The following KIAA0753 variants were observed in gnomAD, a reference collection of about 807,000 sequenced individuals.
KIAA0753 encodes the protein KIAA0753.
KIAA0753 carries 114 observed loss-of-function variants against 116.9 expected under a neutral mutation model. The ratio of observed to expected loss-of-function variants is 0.98; its 90% CI spans 0.84 to 1.14. KIAA0753 has a LOEUF of 1.14. Ranked by LOEUF, KIAA0753 falls within the 50% of genes most tolerant of loss-of-function variation. The pLI is 0.00. For synonymous variants in KIAA0753, 405 were observed against 413.1 expected (o/e 0.98, Z 0.24); for missense variants, 1,156 against 1,172.4 (o/e 0.99, Z 0.20).
intron 18 of KIAA0753, among the ~76,000 whole-genome samples, chr17:6,587,696 A>G (rs1968681793): frequency 6.6e-6 from 1 of 152,266 alleles, no homozygotes; most frequent in Admixed American, 6.5e-5. Flanking sequence ...AGCATCTTAT[A>G]TACTTTGAAG....
At chr17:6,599,838 C>T (rs1480784092) in intron 13 of KIAA0753, among the ~76,000 whole-genome samples, 1 of 152,124 alleles carries the variant, frequency 6.6e-6, no homozygotes, top group Non-Finnish European at 1.5e-5. Context: ...GTGGCCTCAT[C>T]TAGTCATACA....
intron 2 of KIAA0753, among the ~76,000 whole-genome samples, chr17:6,633,033 C>T (rs114098745): frequency 0.021 from 3,132 of 152,130 alleles, 104 homozygotes; most frequent in African/African-American, 0.07. Context: ...ATGATGGTAT[C>T]GATTTAATGT....
chr17:6,605,789 C>T (rs574225106), intron 12 of KIAA0753, among the ~76,000 whole-genome samples: 11 of 151,986 alleles, frequency 7.2e-5, no homozygotes, highest in African/African-American at 2.7e-4. Flanking sequence ...CCTTGACTTA[C>T]GATGGTGGTG....
intron 7 of KIAA0753, among the ~76,000 whole-genome samples, chr17:6,615,759 G>A (rs2150857963): frequency 6.6e-6 from 1 of 152,178 alleles, no homozygotes. Context: ...CATGTTTCAG[G>A]AGTGAGTTTG....
At chr17:6,611,397 A>T (rs1183873640) in intron 8 of KIAA0753, among the ~76,000 whole-genome samples, 1 of 151,900 alleles carries the variant, frequency 6.6e-6, no homozygotes, top group Non-Finnish European at 1.5e-5. Flanking sequence ...AACTCCTGGG[A>T]TCAAGTGATC....
chr17:6,635,027 T>C lies in KIAA0753; in HGVS notation c.77A>G (p.Lys26Arg). 6.2e-7 allele frequency: 1 copy of C among 1,608,820 alleles called. No individual in the cohort carries two copies. Among genetic ancestry groups the C allele is most frequent in the Non-Finnish European group, 8.5e-7 (1 of 1,175,198 alleles). ...TAGAACTACCTGGGTCTGAAGTACTTTGGGGTCGCTCCTCCCATCAAGTTG... is the reference window on the plus strand; with the variant it reads ...TAGAACTACCTGGGTCTGAAGTACTCTGGGGTCGCTCCTCCCATCAAGTTG... ...RTQLDGRSDP[K>R]VLQTQNQLQF... The change falls in exon 2 of 19, where the codon AAA (lysine) becomes AGA (arginine). Residue 26 changes from lysine to arginine, a missense_variant. Lys to Arg is a conservative substitution (Grantham distance 26). Transcript: ENST00000361413.
chr17:6,627,075 C>A (rs1014841348), intron 3 of KIAA0753, among the ~76,000 whole-genome samples: 3 of 152,202 alleles, frequency 2.0e-5, no homozygotes, highest in African/African-American at 7.2e-5. Flanking sequence ...AGAAGACCTA[C>A]AGGAGAAATT....
intron 7 of KIAA0753, among the ~76,000 whole-genome samples, chr17:6,614,927 C>G (rs926131506): frequency 5.9e-5 from 9 of 152,210 alleles, no homozygotes; most frequent in Admixed American, 5.2e-4. Flanking sequence ...GCCTCCTGAG[C>G]AGCCGGGATT....
intron 14 of KIAA0753, among the ~76,000 whole-genome samples, chr17:6,596,707 G>A (rs1969510789): frequency 6.6e-6 from 1 of 152,210 alleles, no homozygotes; most frequent in African/African-American, 2.4e-5. Flanking sequence ...TCCAGAGGAT[G>A]TAACTATTCT....
chr17:6,614,840 C>T (rs1970773996), intron 7 of KIAA0753, among the ~76,000 whole-genome samples: 1 of 152,196 alleles, frequency 6.6e-6, no homozygotes, highest in Non-Finnish European at 1.5e-5. Flanking sequence ...GCTCTGTTGT[C>T]CAGCCTGGAG....
chr17:6,593,390 G>A (rs893561107), intron 16 of KIAA0753, among the ~76,000 whole-genome samples: 4 of 149,776 alleles, frequency 2.7e-5, no homozygotes, highest in South Asian at 2.1e-4. Flanking sequence ...TCGGGAGGCC[G>A]GGAGCAGTGG....
intron 18 of KIAA0753, among the ~76,000 whole-genome samples, chr17:6,582,846 T>G (rs928318056): frequency 6.6e-6 from 1 of 152,226 alleles, no homozygotes; most frequent in African/African-American, 2.4e-5. Flanking sequence ...TCCCATACAA[T>G]GCAAGAACCT....
chr17:6,611,861 T>C, intron 8 of KIAA0753, 58 bp downstream of exon 8: 1 of 1,440,774 alleles, frequency 6.9e-7, no homozygotes, highest in Non-Finnish European at 9.7e-7. Flanking sequence ...CCAGTTTATG[T>C]GACCTTGACA....
At chr17:6,606,524 T>C (rs915930941) in intron 12 of KIAA0753, among the ~76,000 whole-genome samples, 2 of 152,214 alleles carry the variant, frequency 1.3e-5, no homozygotes, top group African/African-American at 4.8e-5. Context: ...TTGATTCACA[T>C]GAGCAGAACA....
In KIAA0753 at chr17:6,623,086, C is replaced by T. The variant is rs780122269; in HGVS notation, c.900G>A (p.Met300Ile). 1.1e-5 allele frequency: 18 copies of T among 1,613,112 alleles called. No individual in the cohort carries two copies. In the East Asian group the frequency reaches 3.6e-4, roughly 32 times the overall value. Residue 300 changes from methionine (M) to isoleucine (I), a missense_variant, in exon 6 of 19, where the codon ATG becomes ATA. By Grantham distance (10) the Met-to-Ile change is conservative. Transcript: ENST00000361413. Reference protein sequence around the residue: ...KIKHTKKSWAMSKLAAAHRGA... With the variant: ...KIKHTKKSWAISKLAAAHRGA... ...CTCGATGGGCAGCCGCCAGCTTAGACATTGCCCATGACTGGTAATAAACAA... is the reference window on the plus strand; with the variant it reads ...CTCGATGGGCAGCCGCCAGCTTAGATATTGCCCATGACTGGTAATAAACAA...
chr17:6,632,112 G>A (rs1972053795), intron 2 of KIAA0753, among the ~76,000 whole-genome samples: 1 of 152,072 alleles, frequency 6.6e-6, no homozygotes. Flanking sequence ...ATGTTGGCCA[G>A]GCTGGTCTTG....
At chr17:6,617,326 T>A (rs997994453) in intron 7 of KIAA0753, among the ~76,000 whole-genome samples, 4 of 152,220 alleles carry the variant, frequency 2.6e-5, no homozygotes, top group African/African-American at 9.6e-5. Flanking sequence ...AAAGGCAGAC[T>A]TCTAATTAGA....
At chr17:6,582,144 GTACT>G (rs1316278346) in intron 18 of KIAA0753, among the ~76,000 whole-genome samples, 1 of 152,118 alleles carries the variant, frequency 6.6e-6, no homozygotes, top group Non-Finnish European at 1.5e-5. Context: ...TATTCACAAT[GTACT>G]TACTTATTTG....
At chr17:6,618,809 T>C (rs1278730188) in intron 7 of KIAA0753, among the ~76,000 whole-genome samples, 1 of 152,080 alleles carries the variant, frequency 6.6e-6, no homozygotes, top group African/African-American at 2.4e-5. Context: ...ATTAATGTAG[T>C]AAATTACAAC....
Sources: allele counts gnomAD v4.1 joint callset (sites outside exome capture counted in the v4.1 genomes callset), GRCh38; gene constraint gnomAD v4.1.1; transcripts MANE v1.5; gene names NCBI Gene and HGNC (gene_info 2026-07-23, HGNC 2026-07-21).